ZC3H7A: variants seen among roughly 807,000 people sequenced by gnomAD.
ZC3H7A encodes the protein zinc finger CCCH-type containing 7A, also known as zinc finger CCCH domain-containing protein 7A.
In ZC3H7A, 44 loss-of-function variants were observed where a neutral mutation model predicts 125.5. The observed-to-expected ratio is 0.35, with a 90% CI of 0.28 to 0.45. The LOEUF is 0.45. Ranked by LOEUF, ZC3H7A falls within the 20% of genes least tolerant of loss-of-function variation. The pLI is 1.00. For missense variants in ZC3H7A, 977 were observed against 1,170.7 expected (o/e 0.83, Z 2.41); for synonymous variants, 399 against 391.2 (o/e 1.02, Z -0.23).
At position 11,776,434 on chromosome 16, in the gene ZC3H7A, C is replaced by G; in HGVS notation, c.546+18G>C. On this transcript the variant is annotated intron_variant, in intron 6 of 22. Transcript: ENST00000355758. ...TAAAACAAAATGAAAACACCTTATG[C>G]AGAGAACTCCAGCTTACCTCAGCTC... The G allele has an allele frequency of 6.2e-7, 1 of 1,605,256 alleles. No homozygotes were observed. The highest frequency in any genetic ancestry group is 8.5e-7 in the Non-Finnish European group (1 of 1,177,604).
In ZC3H7A at chr16:11,779,158, C is replaced by A; in HGVS notation, c.306+8G>T. 1 of 1,574,690 alleles carries A rather than the reference C, an allele frequency of 6.4e-7. No individual in the cohort carries two copies. Among genetic ancestry groups the A allele is most frequent in the Non-Finnish European group, 8.7e-7 (1 of 1,154,098 alleles). ...TCTAGAAACATCATTTTAAAAATTA[C>A]AACTCACCATATTAGAATAGCAGGC... On this transcript the variant is annotated splice_region_variant and intron_variant, in intron 4 of 22. Transcript: ENST00000355758.
intron 9 of ZC3H7A, among the ~76,000 whole-genome samples, chr16:11,771,918 G>A (rs1294638520): frequency 6.6e-6 from 1 of 152,046 alleles, no homozygotes; most frequent in Non-Finnish European, 1.5e-5. Context: ...TATGAGGCTG[G>A]GCATGGTGGC....
Position 11,782,346 on chromosome 16 carries a change from A to G in ZC3H7A, c.9T>C (p.Asn3=). The G allele has an allele frequency of 6.2e-7, 1 of 1,614,106 alleles. No homozygotes were observed. The highest frequency in any genetic ancestry group is 8.5e-7 in the Non-Finnish European group (1 of 1,180,010). MS[N]VSEERRKRQQ... is the part of the protein sequence containing the mutation. ...GCCTTTTTCTTCTCTCCTCGGACAC[A>G]TTGGACATGTTATCCCACACATCCA... is the stretch of plus-strand genomic sequence containing the variant. Residue 3 remains asparagine (N), a synonymous_variant, in exon 2 of 23, where the codon AAT becomes AAC. Transcript: ENST00000355758.
intron 1 of ZC3H7A, among the ~76,000 whole-genome samples, chr16:11,794,786 C>T (rs566309086): frequency 2.2e-4 from 33 of 152,326 alleles, no homozygotes; most frequent in African/African-American, 7.7e-4. Context: ...TTAACCCACC[C>T]CAACTGGCAG....
At chr16:11,761,315 A>G (rs2052748696) in intron 19 of ZC3H7A, 91 bp downstream of exon 19, 1 of 1,238,864 alleles carries the variant, frequency 8.1e-7, no homozygotes, top group Admixed American at 1.9e-5. Flanking sequence ...ATATTATTTA[A>G]AGGGCTTGAG....
chr16:11,779,354 G>C lies in ZC3H7A; in HGVS notation c.118C>G (p.Arg40Gly). The C allele has an allele frequency of 6.2e-7, 1 of 1,609,310 alleles. No homozygotes were observed. ...GTQEQYAVYL[R>G]ALVRNLFNEG... Reference sequence around the variant, plus strand: ...TTAAAAAGATTTCTCACGAGAGCACGCAAATATACCTAAAAAAAAGAAAGT... The same window carrying C: ...TTAAAAAGATTTCTCACGAGAGCACCCAAATATACCTAAAAAAAAGAAAGT... The change falls in exon 4 of 23, where the codon CGT (arginine) becomes GGT (glycine). Residue 40 changes from arginine (R) to glycine (G), a missense_variant. This residue lies in a region of ZC3H7A where 199 missense variants were observed against 256.1 expected (regional missense o/e 0.78). Transcript: ENST00000355758.
intron 1 of ZC3H7A, among the ~76,000 whole-genome samples, chr16:11,791,455 A>T (rs1417688178): frequency 6.6e-6 from 1 of 152,094 alleles, no homozygotes. Flanking sequence ...TTGCCACCCT[A>T]AATTGCTGCC....
chr16:11,793,343 G>A (rs959335040), intron 1 of ZC3H7A, among the ~76,000 whole-genome samples: 2 of 152,064 alleles, frequency 1.3e-5, no homozygotes, highest in African/African-American at 4.8e-5. Context: ...GACCAGCCTA[G>A]GCAACATAGG....
At chr16:11,769,175 C>T (rs1191693341) in intron 10 of ZC3H7A, 80 bp from the exon 11 acceptor site, 9 of 1,213,860 alleles carry the variant, frequency 7.4e-6, no homozygotes, top group African/African-American at 1.6e-5. Context: ...AGCTTACTGG[C>T]TATGGCCTCC....
At chr16:11,792,515 C>T (rs939907764) in intron 1 of ZC3H7A, among the ~76,000 whole-genome samples, 4 of 152,308 alleles carry the variant, frequency 2.6e-5, no homozygotes, top group African/African-American at 7.2e-5. Flanking sequence ...GAAACTAGCT[C>T]ACATTAACAG....
chr16:11,752,882 C>T, intron 21 of ZC3H7A, 50 bp from the exon 22 acceptor site: 9 of 1,578,726 alleles, frequency 5.7e-6, no homozygotes, highest in Non-Finnish European at 7.7e-6. Flanking sequence ...ATGTGAGATC[C>T]AGACTCAATT....
chr16:11,784,353 T>C (rs1473284889), intron 1 of ZC3H7A, among the ~76,000 whole-genome samples: 1 of 152,030 alleles, frequency 6.6e-6, no homozygotes, highest in African/African-American at 2.4e-5. Context: ...TTTTAATTTA[T>C]AAATGTTTTC....
intron 10 of ZC3H7A, among the ~76,000 whole-genome samples, chr16:11,770,485 C>T (rs188724523): frequency 1.3e-5 from 2 of 152,278 alleles, no homozygotes; most frequent in African/African-American, 2.4e-5. Context: ...TACACCTTTA[C>T]GGGAGAATAC....
chr16:11,787,920 T>C (rs917585716), intron 1 of ZC3H7A, among the ~76,000 whole-genome samples: 1 of 149,178 alleles, frequency 6.7e-6, no homozygotes, highest in Non-Finnish European at 1.5e-5. Context: ...CACTCCAGCC[T>C]GGGGGACAAG....
chr16:11,764,366 T>C (rs977005152), intron 15 of ZC3H7A, among the ~76,000 whole-genome samples: 2 of 151,998 alleles, frequency 1.3e-5, no homozygotes, highest in Non-Finnish European at 1.5e-5. Flanking sequence ...CCAGCCAACA[T>C]GGTAAAACCC....
At position 11,774,250 on chromosome 16, in the gene ZC3H7A, T is replaced by C; in HGVS notation, c.889A>G (p.Asn297Asp). 1 of 1,585,012 alleles carries C rather than the reference T, an allele frequency of 6.3e-7. No homozygotes were observed. Among genetic ancestry groups the C allele is most frequent in the Middle Eastern group, 1.7e-4 (1 of 5,962 alleles). The change falls in exon 9 of 23, where the codon AAT becomes GAT. Residue 297 changes from asparagine (N) to aspartate (D), a missense_variant. This residue lies in a region of ZC3H7A where 342 missense variants were observed against 311.3 expected (regional missense o/e 1.10). Transcript: ENST00000355758. Reference protein sequence around the residue: ...DDLLDSAPETNETVMPSALVR... With the variant: ...DDLLDSAPETDETVMPSALVR... The stretch of plus-strand genomic sequence containing the variant: ...CTGAAACTTACCATAACAGTTTCAT[T>C]AGTTTCAGGTGCAGAATCAAGCAGG...
intron 4 of ZC3H7A, among the ~76,000 whole-genome samples, chr16:11,777,110 A>G (rs759992198): frequency 6.1e-4 from 93 of 152,238 alleles, no homozygotes; most frequent in Non-Finnish European, 1.2e-3. Flanking sequence ...ATGAATACCC[A>G]TGTACACACC....
intron 1 of ZC3H7A, among the ~76,000 whole-genome samples, chr16:11,792,176 G>T (rs1361057715): frequency 6.6e-6 from 1 of 152,136 alleles, no homozygotes; most frequent in Admixed American, 6.5e-5. Context: ...CCAAAGTATT[G>T]GGATTACAGG....
chr16:11,767,468 G>T lies in ZC3H7A; in HGVS notation c.1471C>A (p.Arg491Ser). The T allele has an allele frequency of 6.2e-7, 1 of 1,609,422 alleles. No individual in the cohort carries two copies. Among genetic ancestry groups the T allele is most frequent in the Non-Finnish European group, 8.5e-7 (1 of 1,176,872 alleles). The change falls in exon 13 of 23, where the codon CGT (arginine) becomes AGT (serine). Residue 491 changes from arginine (R) to serine (S), a missense_variant. Physicochemically the swap from Arg to Ser is moderately radical, Grantham distance 110. Coordinates refer to ENST00000355758, the MANE Select transcript of ZC3H7A (RefSeq NM_014153.4). ...TAATTTGTTTTTGTTGGTCTTGGAC[G>T]TATTTTTTTCCATGATTTATCTTCA... is the stretch of plus-strand genomic sequence containing the variant. ...NVEDKSWKKI[R>S]PRPTKTNYEG...
Sources: allele counts gnomAD v4.1 joint callset (sites outside exome capture counted in the v4.1 genomes callset), GRCh38; gene constraint gnomAD v4.1.1; regional missense constraint gnomAD v4.1.1; transcripts MANE v1.5; gene names NCBI Gene and HGNC (gene_info 2026-07-23, HGNC 2026-07-21).